EFNA5: variants seen among roughly 807,000 people sequenced by gnomAD.
EFNA5 encodes ephrin A5.
A neutral mutation model predicts 22.9 loss-of-function variants in EFNA5; 5 were observed. That is an observed-to-expected ratio of 0.22 (90% CI 0.11 to 0.46). EFNA5 has a LOEUF of 0.46. Among genes scored for constraint, EFNA5 ranks in the 20% least tolerant of loss-of-function variants. The pLI is 0.99. For missense variants in EFNA5, 237 were observed against 293.3 expected (o/e 0.81, Z 1.40); for synonymous variants, 113 against 112.2 (o/e 1.01, Z -0.04).
In EFNA5 at chr5:107,379,992, T is replaced by A. The variant is rs1332841386; in HGVS notation, c.*1263A>T. 1 of 152,224 alleles carries A rather than the reference T, an allele frequency of 6.6e-6. No individual in the cohort carries two copies. The highest frequency in any genetic ancestry group is 2.4e-5 in the African/African-American group (1 of 41,450). 9.4% of individuals were successfully genotyped at this position (152,224 alleles called of 1,614,324 possible). On this transcript the variant is annotated 3_prime_UTR_variant, in exon 5 of 5. Transcript: ENST00000333274. Reference sequence around the variant, plus strand: ...CACATGTTCCCCCTACGCTTTAGGCTGTGTCAGAAAGGGAAAGAATATAAA... The same window carrying A: ...CACATGTTCCCCCTACGCTTTAGGCAGTGTCAGAAAGGGAAAGAATATAAA...
rs1747388657 is a variant in EFNA5 at position 107,379,901 on chromosome 5, G to A, written c.*1354C>T. The A allele has an allele frequency of 6.6e-6, 1 of 151,984 alleles. No homozygotes were observed. The highest frequency in any genetic ancestry group is 2.4e-5 in the African/African-American group (1 of 41,432). 9.4% of individuals were successfully genotyped at this position (151,984 alleles called of 1,614,324 possible). A position where few individuals can be genotyped will look rare whatever the true frequency, so the allele number is the denominator to read the frequency against. On this transcript the variant is annotated 3_prime_UTR_variant, in exon 5 of 5. Coordinates refer to ENST00000333274, the MANE Select transcript of EFNA5 (RefSeq NM_001962.3). ...TAAATAATGTATTTTCTATTCTAGT[G>A]GATTTTTAAAAAAATATTTTGTTAA...
At chr5:107,470,797 G>A (rs1001622896) in intron 1 of EFNA5, among the ~76,000 whole-genome samples, 6 of 152,120 alleles carry the variant, frequency 3.9e-5, no homozygotes, top group African/African-American at 1.4e-4. Flanking sequence ...GGACAAGGCG[G>A]AGGCAGGAGA....
intron 1 of EFNA5, among the ~76,000 whole-genome samples, chr5:107,447,202 C>T (rs1164263120): frequency 6.6e-6 from 1 of 152,160 alleles, no homozygotes; most frequent in African/African-American, 2.4e-5. Flanking sequence ...AACAGAGGAA[C>T]ACTGAGACTT....
intron 1 of EFNA5, among the ~76,000 whole-genome samples, chr5:107,561,874 A>G (rs548244918): frequency 2.6e-5 from 4 of 152,108 alleles, no homozygotes; most frequent in South Asian, 2.1e-4. Flanking sequence ...TTTTTCATTT[A>G]CCACTTTAGA....
chr5:107,397,546 T>G (rs1747961605), intron 2 of EFNA5, among the ~76,000 whole-genome samples: 1 of 95,286 alleles, frequency 1.0e-5, no homozygotes, highest in South Asian at 2.9e-4. Flanking sequence ...AGACTCCATC[T>G]CAAAAAAAAA....
intron 1 of EFNA5, among the ~76,000 whole-genome samples, chr5:107,553,977 T>A (rs1253380194): frequency 2.0e-5 from 3 of 152,208 alleles, no homozygotes; most frequent in Non-Finnish European, 4.4e-5. Flanking sequence ...TGGATTATTA[T>A]TTAGCCTGGG....
chr5:107,495,149 C>G (rs552103623), intron 1 of EFNA5, among the ~76,000 whole-genome samples: 2 of 152,180 alleles, frequency 1.3e-5, no homozygotes, highest in African/African-American at 4.8e-5. Flanking sequence ...TTTGTTCTTT[C>G]GCTCTTTGCA....
chr5:107,411,271 C>T (rs1160145415), intron 2 of EFNA5, among the ~76,000 whole-genome samples: 1 of 152,182 alleles, frequency 6.6e-6, no homozygotes, highest in Non-Finnish European at 1.5e-5. Flanking sequence ...TGGTTTTGGC[C>T]AGTGGTTGTT....
chr5:107,542,874 C>T lies in EFNA5; in HGVS notation c.126-115365G>A, dbSNP rs163894. 9.5e-3 allele frequency among the ~76,000 whole-genome samples: 1,447 copies of T among 152,230 alleles called. 19 individuals are homozygous for T. The highest frequency in any genetic ancestry group is 0.034 in the African/African-American group (1,395 of 41,518). ...AGTAAACAGGCTTGCCTCACAACCT[C>T]GACAGGCAGTGTATGTGTGACTTGT... On this transcript the variant is annotated intron_variant, in intron 1 of 4. Transcript: ENST00000333274.
At chr5:107,634,881 G>A (rs1750338976) in intron 1 of EFNA5, among the ~76,000 whole-genome samples, 1 of 152,088 alleles carries the variant, frequency 6.6e-6, no homozygotes, top group Non-Finnish European at 1.5e-5. Context: ...AATAAAACTA[G>A]ATACCAGTAA....
Position 107,381,086 on chromosome 5 carries a change from C to A in EFNA5, c.*169G>T. The A allele has an allele frequency of 9.9e-7, 1 of 1,007,098 alleles. No individual in the cohort carries two copies. The highest frequency in any genetic ancestry group is 1.4e-6 in the Non-Finnish European group (1 of 720,548). 62.4% of individuals were successfully genotyped at this position (1,007,098 alleles called of 1,614,324 possible). ...TGAGGGAGGCAGGAACAAGTTTAGGCCCCCAACCTGAAGTTGTTGCTTAGA... is the reference window on the plus strand; with the variant it reads ...TGAGGGAGGCAGGAACAAGTTTAGGACCCCAACCTGAAGTTGTTGCTTAGA... On this transcript the variant is annotated 3_prime_UTR_variant, in exon 5 of 5. Transcript: ENST00000333274.
At chr5:107,424,442 T>C (rs1748757187) in intron 2 of EFNA5, among the ~76,000 whole-genome samples, 1 of 151,526 alleles carries the variant, frequency 6.6e-6, no homozygotes. Flanking sequence ...GGTCTTGAAT[T>C]CCTGACCTCA....
chr5:107,477,172 G>A (rs1445846411), intron 1 of EFNA5, among the ~76,000 whole-genome samples: 5 of 151,832 alleles, frequency 3.3e-5, no homozygotes, highest in African/African-American at 1.2e-4. Flanking sequence ...TATCAAGAGA[G>A]AAAAAAAATG....
At chr5:107,606,456 A>AAG (rs1380934189) in intron 1 of EFNA5, among the ~76,000 whole-genome samples, 23 of 151,194 alleles carry the variant, frequency 1.5e-4, no homozygotes, top group African/African-American at 5.1e-4. Flanking sequence ...CTATCCATCT[A>AAG]CCTGTTTTGT....
rs564826969 is a variant in EFNA5, at chr5:107,414,486, C to A, written c.418+12731G>T. Among the ~76,000 whole-genome samples, 4 of 152,268 alleles carry A rather than the reference C, an allele frequency of 2.6e-5. No individual in the cohort carries two copies. The South Asian group carries it at 8.3e-4, about 32-fold the overall frequency. ...AATACTTTCTCCACACTGTCCCCTA[C>A]ATTGGCCCTCTAGGTAAACATAGCT... On this transcript the variant is annotated intron_variant, in intron 2 of 4. Transcript: ENST00000333274.
chr5:107,598,596 A>G lies in EFNA5; in HGVS notation c.125+71893T>C, dbSNP rs114338076. On this transcript the variant is annotated intron_variant, in intron 1 of 4. Coordinates refer to ENST00000333274, the MANE Select transcript of EFNA5 (RefSeq NM_001962.3). ...TAATCTTTCCTTTGGAAGGCTATGT[A>G]CCCACAAAGCAACTTCTGAACCCAT... 8.1e-3 allele frequency among the ~76,000 whole-genome samples: 1,232 copies of G among 152,294 alleles called. 25 individuals are homozygous for G. The highest frequency in any genetic ancestry group is 0.027 in the African/African-American group (1,116 of 41,564).
At chr5:107,625,411 A>T (rs1459401860) in intron 1 of EFNA5, among the ~76,000 whole-genome samples, 2 of 147,876 alleles carry the variant, frequency 1.4e-5, no homozygotes, top group African/African-American at 2.6e-5. Context: ...AAAGAAAAAT[A>T]AAAAAAAAAT....
intron 1 of EFNA5, among the ~76,000 whole-genome samples, chr5:107,629,641 A>G (rs527957461): frequency 5.4e-4 from 83 of 152,342 alleles, no homozygotes; most frequent in African/African-American, 2.0e-3. Flanking sequence ...CTTCTGTTCA[A>G]TTTTGCTGCA....
chr5:107,494,529 C>T (rs999111825), intron 1 of EFNA5, among the ~76,000 whole-genome samples: 18 of 152,230 alleles, frequency 1.2e-4, no homozygotes, highest in Admixed American at 9.8e-4. Context: ...GCCTCCCACC[C>T]TCTGCTCCAT....
Sources: gnomAD v4.1 joint callset for allele counts (sites outside exome capture counted in the v4.1 genomes callset) on GRCh38, gnomAD v4.1.1 for gene constraint, MANE v1.5 for transcripts, NCBI Gene and HGNC (gene_info 2026-07-23, HGNC 2026-07-21) for gene names.